The following DOK6 variants were observed in gnomAD, a reference collection of about 807,000 sequenced individuals.
The protein encoded by DOK6 is downstream of tyrosine kinase 6.
Under a neutral mutation model 44.0 loss-of-function variants are expected in DOK6, and 22 were observed. The ratio of observed to expected loss-of-function variants is 0.50; its 90% CI spans 0.36 to 0.71. The LOEUF is 0.71. Among genes scored for constraint, DOK6 ranks in the 30% least tolerant of loss-of-function variants. The probability of loss-of-function intolerance (pLI) is 0.00; values close to 1 mark genes in which losing one functional copy is unlikely to be tolerated. For missense variants in DOK6, 340 were observed against 416.4 expected, an observed-to-expected ratio of 0.82 and a Z score of 1.60; for synonymous variants, 166 against 145.5, an observed-to-expected ratio of 1.14 and a Z score of -1.01.
intron 3 of DOK6, among the ~76,000 whole-genome samples, chr18:69,638,369 A>G (rs4347726): frequency 0.91 from 138,522 of 152,256 alleles, 63,997 homozygotes; most frequent in Non-Finnish European, 0.99. Flanking sequence ...GGATTCCACT[A>G]TCTCTTCTGA....
At chr18:69,528,041 T>C (rs1243424985) in intron 1 of DOK6, among the ~76,000 whole-genome samples, 3 of 151,662 alleles carry the variant, frequency 2.0e-5, no homozygotes, top group East Asian at 3.9e-4. Flanking sequence ...TGGGTGCCTG[T>C]AGTCCCAGCT....
chr18:69,436,833 C>G (rs562045835), intron 1 of DOK6, among the ~76,000 whole-genome samples: 9 of 152,294 alleles, frequency 5.9e-5, no homozygotes, highest in Admixed American at 1.3e-4. Context: ...TGTTTCCTGA[C>G]TTTTTAATTA....
intron 7 of DOK6, among the ~76,000 whole-genome samples, chr18:69,759,041 A>G (rs1034785574): frequency 6.6e-6 from 1 of 152,242 alleles, no homozygotes; most frequent in African/African-American, 2.4e-5. Context: ...AGGCAATTAC[A>G]TTTTATATTG....
At chr18:69,686,255 G>C (rs1457853570) in intron 4 of DOK6, among the ~76,000 whole-genome samples, 1 of 152,078 alleles carries the variant, frequency 6.6e-6, no homozygotes, top group African/African-American at 2.4e-5. Flanking sequence ...CTTTCTTTAA[G>C]CCACCCAGTC....
chr18:69,638,576 T>A (rs908739800), intron 3 of DOK6, among the ~76,000 whole-genome samples: 69 of 152,212 alleles, frequency 4.5e-4, no homozygotes, highest in Middle Eastern at 3.2e-3. Flanking sequence ...AGATCAAGTT[T>A]GAGTCAAAGA....
chr18:69,832,574 T>G (rs1235059682), intron 7 of DOK6: 2 of 152,118 alleles, frequency 1.3e-5, no homozygotes, highest in Non-Finnish European at 2.9e-5. Flanking sequence ...TCCTCTTCAA[T>G]TTTTTGAAAT....
At chr18:69,552,905 G>A (rs974258247) in intron 1 of DOK6, among the ~76,000 whole-genome samples, 16 of 152,248 alleles carry the variant, frequency 1.1e-4, no homozygotes, top group Non-Finnish European at 1.9e-4. Flanking sequence ...GCGCGTGTGC[G>A]CACAGAGATA....
At chr18:69,530,353 CT>C (rs1308536330) in intron 1 of DOK6, among the ~76,000 whole-genome samples, 1 of 152,102 alleles carries the variant, frequency 6.6e-6, no homozygotes, top group African/African-American at 2.4e-5. Context: ...GCCCTGTATG[CT>C]TTGGTTTGTG....
chr18:69,652,321 T>C (rs954289701), intron 3 of DOK6, among the ~76,000 whole-genome samples: 1 of 152,216 alleles, frequency 6.6e-6, no homozygotes, highest in East Asian at 1.9e-4. Context: ...TTCACACTTG[T>C]TTTAACTCCT....
At chr18:69,483,429 A>G (rs980608579) in intron 1 of DOK6, among the ~76,000 whole-genome samples, 3 of 152,072 alleles carry the variant, frequency 2.0e-5, no homozygotes, top group Non-Finnish European at 4.4e-5. Flanking sequence ...ATGTTATTAG[A>G]TGAAAGAGTT....
intron 3 of DOK6, among the ~76,000 whole-genome samples, chr18:69,633,523 T>C (rs939916388): frequency 1.3e-5 from 2 of 152,216 alleles, no homozygotes; most frequent in African/African-American, 4.8e-5. Flanking sequence ...GCTTATAAGT[T>C]ATTTTTGCCG....
intron 7 of DOK6, among the ~76,000 whole-genome samples, chr18:69,764,420 C>T (rs150969914): frequency 5.8e-4 from 89 of 152,262 alleles, no homozygotes; most frequent in African/African-American, 2.0e-3. Context: ...GGGGAGGGAC[C>T]TCATGGGCGG....
chr18:69,603,684 T>C (rs980300938), intron 3 of DOK6, among the ~76,000 whole-genome samples: 3 of 139,816 alleles, frequency 2.1e-5, no homozygotes, highest in African/African-American at 2.7e-5. Context: ...GGCAGGAGAA[T>C]GGCGTGAACC....
chr18:69,587,131 C>T (rs1983521664), intron 2 of DOK6, among the ~76,000 whole-genome samples: 1 of 152,094 alleles, frequency 6.6e-6, no homozygotes, highest in African/African-American at 2.4e-5. Flanking sequence ...TAATCTGTGT[C>T]ATTGTAGTAA....
chr18:69,495,766 G>T (rs1275504391), intron 1 of DOK6, among the ~76,000 whole-genome samples: 1 of 152,144 alleles, frequency 6.6e-6, no homozygotes, highest in Non-Finnish European at 1.5e-5. Flanking sequence ...AGAGGAGCCT[G>T]CAGGCCAGCA....
rs973831524 is a variant in DOK6 at position 69,663,249 on chromosome 18, T to G, written c.290-14485T>G. On this transcript the variant is annotated intron_variant, in intron 3 of 7. Coordinates refer to ENST00000382713, the MANE Select transcript of DOK6 (RefSeq NM_152721.6). Reference sequence around the variant, plus strand: ...TCTGCATTGCTTCAGGGTCCTGACTTCTAAGGTTTATTTTAAGATCTTCTA... The same window carrying G: ...TCTGCATTGCTTCAGGGTCCTGACTGCTAAGGTTTATTTTAAGATCTTCTA... The G allele has an allele frequency of 2.6e-5, 4 of 152,248 alleles. 1 individual carries two copies. The highest frequency in any genetic ancestry group is 2.0e-4 in the Admixed American group (3 of 15,290). 9.4% of individuals were successfully genotyped at this position (152,248 alleles called of 1,614,324 possible). A position where few individuals can be genotyped will look rare whatever the true frequency, so the allele number is the denominator to read the frequency against.
chr18:69,632,085 A>G (rs1227286784), intron 3 of DOK6, among the ~76,000 whole-genome samples: 1 of 152,186 alleles, frequency 6.6e-6, no homozygotes, highest in African/African-American at 2.4e-5. Context: ...ATTTACCACT[A>G]TTTGGTAATT....
In DOK6 at chr18:69,846,929, A is replaced by G. The variant is rs1030258599; in HGVS notation, c.*5546A>G. ...TTTTCCTGATAATCTTCAGTAGACA[A>G]TGATTTAAATTAACTGAAGTTTAAA... On this transcript the variant is annotated 3_prime_UTR_variant, in exon 8 of 8. Coordinates refer to ENST00000382713, the MANE Select transcript of DOK6 (RefSeq NM_152721.6). 3.9e-5 allele frequency: 6 copies of G among 152,174 alleles called. No homozygotes were observed. The highest frequency in any genetic ancestry group is 8.8e-5 in the Non-Finnish European group (6 of 68,028). The allele number at this position is 152,174 out of a possible 1,614,324, so 9.4% of individuals were successfully genotyped here.
chr18:69,747,356 A>G (rs1979018654), intron 6 of DOK6, among the ~76,000 whole-genome samples: 1 of 152,212 alleles, frequency 6.6e-6, no homozygotes, highest in African/African-American at 2.4e-5. Flanking sequence ...AATTAGCATC[A>G]ATGTTCATCA....
Sources: gnomAD v4.1 joint callset for allele counts (sites outside exome capture counted in the v4.1 genomes callset) on GRCh38, gnomAD v4.1.1 for gene constraint, MANE v1.5 for transcripts, NCBI Gene and HGNC (gene_info 2026-07-23, HGNC 2026-07-21) for gene names.